HOXA3: variants seen among roughly 807,000 people sequenced by gnomAD.
The protein encoded by HOXA3 is homeobox A3, also known as homeobox protein Hox-A3.
A neutral mutation model predicts 30.3 loss-of-function variants in HOXA3; 8 were observed. The ratio of observed to expected loss-of-function variants is 0.26; its 90% CI spans 0.15 to 0.48. The LOEUF (loss-of-function observed/expected upper bound fraction) is 0.48. Ranked by LOEUF, HOXA3 falls within the 20% of genes least tolerant of loss-of-function variation. The pLI is 0.99. For synonymous variants in HOXA3, 323 were observed against 273.1 expected, an observed-to-expected ratio of 1.18 and a Z score of -1.80; for missense variants, 653 against 614.4, an observed-to-expected ratio of 1.06 and a Z score of -0.66.
At position 27,110,480 on chromosome 7, in the gene HOXA3, G is replaced by C; in HGVS notation, c.161C>G (p.Ser54Cys). 6.2e-7 allele frequency: 1 copy of C among 1,602,888 alleles called. No homozygotes were observed. The highest frequency in any genetic ancestry group is 2.2e-5 in the East Asian group (1 of 44,456). Residue 54 changes from serine (S) to cysteine (C), a missense_variant, in exon 5 of 6, where the codon TCT becomes TGT. Ser to Cys is a moderately radical substitution (Grantham distance 112). This residue lies in a region of HOXA3 where 320 missense variants were observed against 321.9 expected (regional missense o/e 0.99). Transcript: ENST00000612286. ...GGGGTGGCCCCCGGCGCTGGAGGGAGACTGGAGGGAGCAGGCGGGTCGGTG... is the reference window on the plus strand; with the variant it reads ...GGGGTGGCCCCCGGCGCTGGAGGGACACTGGAGGGAGCAGGCGGGTCGGTG... The part of the protein sequence containing the change: ...EYHRPACSLQ[S>C]PSSAGGHPKA...
intron 2 of HOXA3, among the ~76,000 whole-genome samples, chr7:27,139,744 G>GGGT (rs969437719): frequency 3.3e-5 from 5 of 152,170 alleles, no homozygotes; most frequent in African/African-American, 1.2e-4. Context: ...GGGGGACTGG[G>GGGT]GGTGCGGCCC....
intron 1 of HOXA3, among the ~76,000 whole-genome samples, chr7:27,148,576 C>CGCCT (rs1420901848): frequency 6.6e-6 from 1 of 152,236 alleles, no homozygotes; most frequent in African/African-American, 2.4e-5. Context: ...CAATGGCCCG[C>CGCCT]GCCTGCCTGG....
In HOXA3 at chr7:27,140,147, C is replaced by G. The variant is rs1214004937; in HGVS notation, c.-454G>C. On this transcript the variant is annotated 5_prime_UTR_variant, in exon 2 of 6. Transcript: ENST00000612286. ...ACTTGTGGTTTGGACACTTCTGGAC[C>G]TAAAATTGACAGTTTGAATGGCCAG... The G allele has an allele frequency of 6.6e-5, 10 of 152,082 alleles. No individual in the cohort carries two copies. In the East Asian group the frequency reaches 1.9e-3, roughly 29 times the overall value. 9.4% of individuals were successfully genotyped at this position (152,082 alleles called of 1,614,324 possible). A position where few individuals can be genotyped will look rare whatever the true frequency, so the allele number is the denominator to read the frequency against.
At position 27,108,108 on chromosome 7, in the gene HOXA3, G is replaced by T; in HGVS notation, c.1139C>A (p.Pro380Gln). The change falls in exon 6 of 6, where the codon CCA becomes CAA. Residue 380 changes from proline to glutamine, a missense_variant. By Grantham distance (76) the Pro-to-Gln change is moderately conservative. Around this residue, in one of 3 missense-constraint regions of HOXA3, gnomAD observed 330 missense variants for 274.4 expected, o/e 1.20. Transcript: ENST00000612286. The surrounding 1 kb of genome is among the most constrained non-coding windows in gnomAD (Gnocchi z 5.0). The part of the protein sequence containing the change: ...SYVEPMSNSG[P>Q]ALFGLTHLPH... ...GAGGTGAGTTAGACCAAAGAGGGCT[G>T]GCCCGGAGTTGCTCATGGGCTCCAC... The T allele has an allele frequency of 6.2e-7, 1 of 1,609,120 alleles. No homozygotes were observed. The highest frequency in any genetic ancestry group is 8.5e-7 in the Non-Finnish European group (1 of 1,176,672).
In HOXA3 at chr7:27,107,918, C is replaced by A; in HGVS notation, c.1329G>T (p.Leu443=). ...GCGCGTAGCCCCAAGCCCACTATCA[C>A]AGGTGGGTGAGCTTGGGTGCTTCCT... The part of the protein sequence containing the change: ...RIQEAPKLTH[L] Residue 443 remains leucine (L), a synonymous_variant, in exon 6 of 6, where the codon CTG becomes CTT. Coordinates refer to ENST00000612286, the MANE Select transcript of HOXA3 (RefSeq NM_153631.3). 1.3e-6 allele frequency: 2 copies of A among 1,566,706 alleles called. No homozygotes were observed. The highest frequency in any genetic ancestry group is 1.4e-5 in the African/African-American group (1 of 73,316).
rs761855987 is a variant in HOXA3, at chr7:27,108,161, T to C, written c.1086A>G (p.Gly362=). The C allele has an allele frequency of 6.3e-7, 1 of 1,576,686 alleles. No individual in the cohort carries two copies. The highest frequency in any genetic ancestry group is 8.6e-7 in the Non-Finnish European group (1 of 1,157,860). ...NGSYGTPHIQ[G]SPVFVGGSYV... is the part of the protein sequence containing the mutation. ...AGCTGCCCCCCACGAAGACGGGGCT[T>C]CCCTGTATGTGTGGGGTCCCATAGC... Residue 362 remains glycine, a synonymous_variant, in exon 6 of 6, where the codon GGA becomes GGG. Transcript: ENST00000612286. The surrounding 1 kb of genome is among the most constrained non-coding windows in gnomAD (Gnocchi z 5.0).
intron 2 of HOXA3, among the ~76,000 whole-genome samples, chr7:27,133,497 G>C (rs1422097010): frequency 6.6e-6 from 1 of 152,218 alleles, no homozygotes; most frequent in Non-Finnish European, 1.5e-5. Context: ...CCCAAGCGGG[G>C]TGAAAGCGTT....
rs1314381838 is a variant in HOXA3 at position 27,108,703 on chromosome 7, C to G, written c.544G>C (p.Asp182His). 1 of 1,602,842 alleles carries G rather than the reference C, an allele frequency of 6.2e-7. No homozygotes were observed. Among genetic ancestry groups the G allele is most frequent in the Non-Finnish European group, 8.5e-7 (1 of 1,172,572 alleles). ...SSSSGESCAG[D>H]KSPPGQASSK... The stretch of plus-strand genomic sequence containing the variant: ...GAAGCCTGCCCCGGCGGGCTCTTGT[C>G]GCCAGCGCAGCTTTCGCCTGCGAGG... The change falls in exon 6 of 6, where the codon GAC (aspartate) becomes CAC (histidine). Residue 182 changes from aspartate (D) to histidine (H), a missense_variant. Physicochemically the swap from Asp to His is moderately conservative, Grantham distance 81. Transcript: ENST00000612286. This position sits in a 1 kb window ranked among gnomAD's most constrained non-coding sequence, Gnocchi z 5.0.
rs1249132329 is a variant in HOXA3 at position 27,115,050 on chromosome 7, C to T, written c.-120-4290G>A. ...AAACTCTGCAAGGGTACGAGTGTGGCAAAAAGAGAAATGGAGATTTCTCTC... is the reference window on the plus strand; with the variant it reads ...AAACTCTGCAAGGGTACGAGTGTGGTAAAAAGAGAAATGGAGATTTCTCTC... On this transcript the variant is annotated intron_variant, in intron 4 of 5. Coordinates refer to ENST00000612286, the MANE Select transcript of HOXA3 (RefSeq NM_153631.3). 9.5e-4 allele frequency among the ~76,000 whole-genome samples: 13 copies of T among 13,624 alleles called. No individual in the cohort carries two copies. The Admixed American group carries it at 0.012, about 12-fold the overall frequency. 8.9% of individuals were successfully genotyped at this position (13,624 alleles called of 152,430 possible).
At chr7:27,135,205 T>C (rs1416748826) in intron 2 of HOXA3, among the ~76,000 whole-genome samples, 1 of 151,916 alleles carries the variant, frequency 6.6e-6, no homozygotes, top group Non-Finnish European at 1.5e-5. Context: ...TCCACGTGTA[T>C]CATTAAAAAG....
chr7:27,151,661 C>G, intron 1 of HOXA3: 1 of 456,764 alleles, frequency 2.2e-6, no homozygotes, highest in South Asian at 1.5e-5. Flanking sequence ...CGGCAACGAG[C>G]GGAGAACTCT....
intron 1 of HOXA3, among the ~76,000 whole-genome samples, chr7:27,146,803 C>T (rs563308464): frequency 6.6e-6 from 1 of 152,244 alleles, no homozygotes; most frequent in South Asian, 2.1e-4. Context: ...AGAAAAAAAT[C>T]CTGAGTCTGG....
intron 2 of HOXA3, among the ~76,000 whole-genome samples, chr7:27,133,378 A>G (rs996989375): frequency 3.3e-5 from 5 of 152,238 alleles, no homozygotes; most frequent in Admixed American, 3.3e-4. Flanking sequence ...AACTCAATTA[A>G]TAAACAAACT....
Position 27,122,614 on chromosome 7 carries a change from G to A in HOXA3, c.-176C>T, listed in dbSNP as rs1785075497. 1 of 152,188 alleles carries A rather than the reference G, an allele frequency of 6.6e-6. No homozygotes were observed. Among genetic ancestry groups the A allele is most frequent in the Non-Finnish European group, 1.5e-5 (1 of 68,046 alleles). 9.4% of individuals were successfully genotyped at this position (152,188 alleles called of 1,614,324 possible). On this transcript the variant is annotated 5_prime_UTR_variant, in exon 4 of 6. Coordinates refer to ENST00000612286, the MANE Select transcript of HOXA3 (RefSeq NM_153631.3). ...ATTGTCTCCAACTCCAGGCGCTCAG[G>A]GAATCGCCTTTTCCGGTGTCCAGGC...
At position 27,130,633 on chromosome 7, in the gene HOXA3, C is replaced by G; in HGVS notation, c.-389-3563G>C. ...GTAGCCGGGGCCCCCGCCCGGGCCG[C>G]CGTCTGCGCCGCCCGAGCCGCTGTG... On this transcript the variant is annotated intron_variant, in intron 2 of 5. Coordinates refer to ENST00000612286, the MANE Select transcript of HOXA3 (RefSeq NM_153631.3). The G allele has an allele frequency of 6.3e-7, 1 of 1,583,210 alleles. No homozygotes were observed. Among genetic ancestry groups the G allele is most frequent in the South Asian group, 1.1e-5 (1 of 87,712 alleles).
At position 27,113,318 on chromosome 7, in the gene HOXA3, C is replaced by A. The variant is rs1037666578; in HGVS notation, c.-120-2558G>T. ...TCGCTCCCTCTTCCCATTCCCTCCT[C>A]TTTCTTAGCCTTCCCTCACCCCAAA... On this transcript the variant is annotated intron_variant, in intron 4 of 5. Transcript: ENST00000612286. The surrounding 1 kb of genome is among the most constrained non-coding windows in gnomAD (Gnocchi z 4.8). 6.6e-6 allele frequency among the ~76,000 whole-genome samples: 1 copy of A among 152,240 alleles called. No individual in the cohort carries two copies. The highest frequency in any genetic ancestry group is 1.5e-5 in the Non-Finnish European group (1 of 68,044).
chr7:27,131,323 CCAGA>C (rs1335308895), intron 2 of HOXA3, among the ~76,000 whole-genome samples: 1 of 152,144 alleles, frequency 6.6e-6, no homozygotes, highest in African/African-American at 2.4e-5. Context: ...TGAGAGGCCA[CCAGA>C]CACATTTTCT....
chr7:27,134,869 G>C (rs903869308), intron 2 of HOXA3, among the ~76,000 whole-genome samples: 1 of 152,190 alleles, frequency 6.6e-6, no homozygotes, highest in Admixed American at 6.5e-5. Context: ...TCCACATTCT[G>C]AGTAGATGAA....
intron 2 of HOXA3, among the ~76,000 whole-genome samples, chr7:27,134,807 T>C (rs1161839032): frequency 2.6e-5 from 4 of 152,244 alleles, no homozygotes; most frequent in Non-Finnish European, 4.4e-5. Context: ...CCTGGCACCA[T>C]TAAATCCAAT....
Sources: gnomAD v4.1 joint callset for allele counts (sites outside exome capture counted in the v4.1 genomes callset) on GRCh38, gnomAD v4.1.1 for gene constraint, gnomAD v4.1.1 regional missense constraint, Gnocchi (gnomAD v3.1) non-coding constraint, MANE v1.5 for transcripts, NCBI Gene and HGNC (gene_info 2026-07-23, HGNC 2026-07-21) for gene names.